Variants in CHRM3 observed in about 807,000 individuals in gnomAD.
The protein encoded by CHRM3 is muscarinic acetylcholine receptor M3.
A neutral mutation model predicts 41.8 loss-of-function variants in CHRM3; 11 were observed. The ratio of observed to expected loss-of-function variants is 0.26; its 90% CI spans 0.17 to 0.44. The LOEUF (loss-of-function observed/expected upper bound fraction) is 0.44, where lower values mean the gene tolerates loss of function less well. Ranked by LOEUF, CHRM3 falls within the 20% of genes least tolerant of loss-of-function variation. The pLI, the probability that CHRM3 is intolerant of heterozygous loss-of-function variation, is 1.00. For missense variants in CHRM3, 571 were observed against 745.4 expected (o/e 0.77, Z 2.72); for synonymous variants, 297 against 301.4 (o/e 0.99, Z 0.15).
At chr1:239,446,868 T>TTCTAA (rs1415978680) in intron 1 of CHRM3, among the ~76,000 whole-genome samples, 4 of 152,168 alleles carry the variant, frequency 2.6e-5, no homozygotes, top group Non-Finnish European at 2.9e-5. Flanking sequence ...TTTAGAAGGA[T>TTCTAA]GTTAGTAATG....
chr1:239,847,519 T>C (rs1156613157), intron 6 of CHRM3, among the ~76,000 whole-genome samples: 1 of 152,094 alleles, frequency 6.6e-6, no homozygotes, highest in Non-Finnish European at 1.5e-5. Flanking sequence ...AGGGATAGGA[T>C]GTAAGGTTGA....
At chr1:239,633,036 C>T (rs1452584249) in intron 4 of CHRM3, among the ~76,000 whole-genome samples, 4 of 152,142 alleles carry the variant, frequency 2.6e-5, no homozygotes, top group Non-Finnish European at 5.9e-5. Context: ...GCAGTGGCGC[C>T]ATCTCAGCTC....
chr1:239,411,247 C>T (rs1469258904), intron 1 of CHRM3, among the ~76,000 whole-genome samples: 1 of 152,136 alleles, frequency 6.6e-6, no homozygotes, highest in Non-Finnish European at 1.5e-5. Context: ...GGGCCTGCAA[C>T]ATGTCAGGAT....
At chr1:239,523,247 GA>G (rs1238784063) in intron 2 of CHRM3, among the ~76,000 whole-genome samples, 1 of 151,908 alleles carries the variant, frequency 6.6e-6, no homozygotes, top group African/African-American at 2.4e-5. Flanking sequence ...CAATATACAA[GA>G]CATGATAATT....
At chr1:239,567,719 T>G (rs1661484829) in intron 3 of CHRM3, among the ~76,000 whole-genome samples, 1 of 152,114 alleles carries the variant, frequency 6.6e-6, no homozygotes, top group Non-Finnish European at 1.5e-5. Flanking sequence ...GAGAGCACAT[T>G]ATTGGGCAAG....
At chr1:239,844,069 C>T (rs183739108) in intron 6 of CHRM3, among the ~76,000 whole-genome samples, 7 of 152,238 alleles carry the variant, frequency 4.6e-5, no homozygotes, top group African/African-American at 1.7e-4. Context: ...CTTATTATTT[C>T]TTTGTGATAA....
intron 1 of CHRM3, among the ~76,000 whole-genome samples, chr1:239,390,097 G>A (rs1658894273): frequency 6.6e-6 from 1 of 152,174 alleles, no homozygotes; most frequent in Non-Finnish European, 1.5e-5. Context: ...TGTCTTTTAT[G>A]TTTGTGAATT....
At chr1:239,720,413 A>G (rs920588024) in intron 5 of CHRM3, among the ~76,000 whole-genome samples, 2 of 151,964 alleles carry the variant, frequency 1.3e-5, no homozygotes, top group African/African-American at 4.8e-5. Flanking sequence ...AAACCCCAAA[A>G]AAACCTAAAT....
At chr1:239,533,167 G>A (rs1657826987) in intron 2 of CHRM3, among the ~76,000 whole-genome samples, 1 of 151,966 alleles carries the variant, frequency 6.6e-6, no homozygotes, top group Admixed American at 6.6e-5. Context: ...ATACAGAACA[G>A]GACCCCCATT....
At chr1:239,685,450 C>T (rs1659039309) in intron 5 of CHRM3, among the ~76,000 whole-genome samples, 1 of 152,040 alleles carries the variant, frequency 6.6e-6, no homozygotes, top group Non-Finnish European at 1.5e-5. Flanking sequence ...CCATGCACTT[C>T]TCCAAACATT....
intron 1 of CHRM3, among the ~76,000 whole-genome samples, chr1:239,422,291 G>A (rs1662014304): frequency 6.6e-6 from 1 of 152,124 alleles, no homozygotes; most frequent in Non-Finnish European, 1.5e-5. Flanking sequence ...GTAACTTAAT[G>A]TCTTAGGTCA....
intron 5 of CHRM3, among the ~76,000 whole-genome samples, chr1:239,722,280 T>C (rs1663044376): frequency 6.6e-6 from 1 of 152,024 alleles, no homozygotes; most frequent in Admixed American, 6.6e-5. Context: ...GTTGACTCAA[T>C]AGCTAACAAA....
chr1:239,638,451 C>G (rs911044245), intron 4 of CHRM3, among the ~76,000 whole-genome samples: 4 of 152,006 alleles, frequency 2.6e-5, no homozygotes, highest in Non-Finnish European at 4.4e-5. Context: ...TAATGATTGC[C>G]ATTCTAACTG....
At chr1:239,890,597 ATGGTGGGC>A (rs1678471037) in intron 6 of CHRM3, among the ~76,000 whole-genome samples, 2 of 152,278 alleles carry the variant, frequency 1.3e-5, no homozygotes, top group East Asian at 1.9e-4. Flanking sequence ...TGCTCAAAAT[ATGGTGGGC>A]AGTACCAATT....
chr1:239,874,700 T>C (rs1676968488), intron 6 of CHRM3, among the ~76,000 whole-genome samples: 1 of 151,562 alleles, frequency 6.6e-6, no homozygotes, highest in Non-Finnish European at 1.5e-5. Context: ...GGCATTACTT[T>C]TTTTTTTTTT....
At chr1:239,888,597 C>CAAA (rs34779972) in intron 6 of CHRM3, among the ~76,000 whole-genome samples, 1 of 99,376 alleles carries the variant, frequency 1.0e-5, no homozygotes, top group Non-Finnish European at 2.1e-5. Flanking sequence ...GACCCTGTCT[C>CAAA]AAAAAAAAAA....
At chr1:239,894,462 T>G (rs1678818979) in intron 6 of CHRM3, among the ~76,000 whole-genome samples, 1 of 152,132 alleles carries the variant, frequency 6.6e-6, no homozygotes, top group South Asian at 2.1e-4. Flanking sequence ...AGATGGAGTC[T>G]CACTCTGTCA....
chr1:239,839,341 T>C (rs757708762), intron 6 of CHRM3, among the ~76,000 whole-genome samples: 17 of 152,240 alleles, frequency 1.1e-4, no homozygotes, highest in African/African-American at 1.7e-4. Context: ...AGTTAGGACA[T>C]AGAATTCACT....
chr1:239,472,502 C>CT (rs1436579838), intron 1 of CHRM3, among the ~76,000 whole-genome samples: 5 of 152,178 alleles, frequency 3.3e-5, no homozygotes, highest in Admixed American at 6.5e-5. Flanking sequence ...ATGTGGCAAA[C>CT]TTAACTGCCA....
Sources: allele counts gnomAD v4.1 joint callset (sites outside exome capture counted in the v4.1 genomes callset), GRCh38; gene constraint gnomAD v4.1.1; transcripts MANE v1.5; gene names NCBI Gene and HGNC (gene_info 2026-07-23, HGNC 2026-07-21).